Variants in GALK2 observed in about 807,000 individuals in gnomAD.
The protein encoded by GALK2 is galactokinase 2.
In GALK2, 36 loss-of-function variants were observed where a neutral mutation model predicts 52.4. That is an observed-to-expected ratio of 0.69 (90% CI 0.53 to 0.91). The LOEUF is 0.91. Among genes scored for constraint, GALK2 ranks in the 40% least tolerant of loss-of-function variants. The pLI is 0.00. For synonymous variants in GALK2, 176 were observed against 199.1 expected (o/e 0.88, Z 0.98); for missense variants, 579 against 559.1 (o/e 1.04, Z -0.36).
At chr15:49,172,911 C>T (rs2085195161) in intron 1 of GALK2, among the ~76,000 whole-genome samples, 1 of 152,130 alleles carries the variant, frequency 6.6e-6, no homozygotes, top group South Asian at 2.1e-4. Context: ...TTGACATTCA[C>T]GTATCATATA....
At chr15:49,349,975 G>GT (rs1219564030) in intron 3 of GALK2, among the ~76,000 whole-genome samples, 10 of 152,158 alleles carry the variant, frequency 6.6e-5, no homozygotes, top group African/African-American at 2.4e-4. Context: ...AACTTTGTTG[G>GT]TAACTTTGTT....
At chr15:49,178,729 G>C (rs2085725730) in intron 1 of GALK2, 1 of 215,762 alleles carries the variant, frequency 4.6e-6, no homozygotes, top group African/African-American at 2.3e-5. Flanking sequence ...GAATGTACTT[G>C]TATGCAGTTA....
At chr15:49,160,573 A>G (rs2084618398) in intron 1 of GALK2, among the ~76,000 whole-genome samples, 1 of 151,988 alleles carries the variant, frequency 6.6e-6, no homozygotes, top group Non-Finnish European at 1.5e-5. Context: ...CATAATAGTA[A>G]TAGTACCCAG....
chr15:49,350,586 T>C (rs12909779), intron 3 of GALK2, among the ~76,000 whole-genome samples: 63,798 of 151,996 alleles, frequency 0.42, 13,532 homozygotes, highest in African/African-American at 0.45. Context: ...TCCACAAAAC[T>C]GAGCTTAAAA....
At chr15:49,337,508 CTT>C (rs33973907) in intron 3 of GALK2, among the ~76,000 whole-genome samples, 221 of 36,070 alleles carry the variant, frequency 6.1e-3, no homozygotes, top group African/African-American at 0.022. Context: ...CATTTACCCA[CTT>C]TTTTTTTTTT....
chr15:49,268,831 G>A (rs1301999061), intron 5 of GALK2, among the ~76,000 whole-genome samples: 1 of 152,096 alleles, frequency 6.6e-6, no homozygotes, highest in Non-Finnish European at 1.5e-5. Context: ...TCCTGGTCTA[G>A]GTTAGTTTTT....
At chr15:49,298,653 T>G (rs2034695219) in intron 8 of GALK2, among the ~76,000 whole-genome samples, 1 of 152,108 alleles carries the variant, frequency 6.6e-6, no homozygotes, top group Non-Finnish European at 1.5e-5. Context: ...AGTCTTTATT[T>G]CTATTGAGAT....
chr15:49,177,448 T>C, intron 1 of GALK2, among the ~76,000 whole-genome samples: 1 of 152,234 alleles, frequency 6.6e-6, no homozygotes, highest in East Asian at 1.9e-4. Flanking sequence ...TCACTTATAG[T>C]TTTCAAACAT....
intron 5 of GALK2, among the ~76,000 whole-genome samples, chr15:49,272,493 C>T (rs1411232205): frequency 6.6e-6 from 1 of 152,180 alleles, no homozygotes; most frequent in Admixed American, 6.5e-5. Context: ...TGGGATGGAG[C>T]ATGAGATTGT....
At chr15:49,184,337 G>T (rs3098617) in intron 1 of GALK2, among the ~76,000 whole-genome samples, 88,653 of 150,928 alleles carry the variant, frequency 0.59, 26,090 homozygotes, top group Middle Eastern at 0.66. Context: ...TTTTTCATCT[G>T]TTTTCTTTTT....
intron 3 of GALK2, among the ~76,000 whole-genome samples, chr15:49,227,304 C>A (rs1488493813): frequency 6.6e-6 from 1 of 152,048 alleles, no homozygotes; most frequent in Non-Finnish European, 1.5e-5. Flanking sequence ...TATCTGGGTG[C>A]TTTGTTGTTG....
chr15:49,280,478 G>T (rs2032527243), intron 5 of GALK2, among the ~76,000 whole-genome samples: 1 of 152,142 alleles, frequency 6.6e-6, no homozygotes, highest in South Asian at 2.1e-4. Flanking sequence ...CTCATGGCTG[G>T]AGCTTAGGAT....
intron 1 of GALK2, chr15:49,156,491 A>C: frequency 2.0e-6 from 1 of 489,600 alleles, no homozygotes; most frequent in Non-Finnish European, 4.0e-6. Flanking sequence ...GATTGCTCGT[A>C]AAGATGACAA....
intron 5 of GALK2, among the ~76,000 whole-genome samples, chr15:49,254,447 C>A (rs1003195953): frequency 6.9e-6 from 1 of 144,190 alleles, no homozygotes; most frequent in Non-Finnish European, 1.6e-5. Flanking sequence ...AAGCAAAAAT[C>A]TAAGCAATCA....
At chr15:49,264,998 C>T (rs1367956574) in intron 5 of GALK2, among the ~76,000 whole-genome samples, 5 of 152,166 alleles carry the variant, frequency 3.3e-5, no homozygotes, top group Non-Finnish European at 7.4e-5. Flanking sequence ...GGGGTGCCTC[C>T]CAGTTAGGCT....
intron 1 of GALK2, among the ~76,000 whole-genome samples, chr15:49,186,443 T>C (rs747297593): frequency 3.3e-5 from 5 of 152,138 alleles, no homozygotes; most frequent in African/African-American, 4.8e-5. Context: ...TGTTTCACTC[T>C]AGAATTTCTG....
chr15:49,251,994 G>A (rs892299817), intron 5 of GALK2, among the ~76,000 whole-genome samples: 3 of 152,118 alleles, frequency 2.0e-5, no homozygotes, highest in South Asian at 2.1e-4. Flanking sequence ...GGCCCGGTGC[G>A]GTGCCTCATG....
chr15:49,199,895 A>G (rs1292207252), intron 1 of GALK2, among the ~76,000 whole-genome samples: 1 of 152,242 alleles, frequency 6.6e-6, no homozygotes, highest in Non-Finnish European at 1.5e-5. Flanking sequence ...AAACTGGTAT[A>G]AACAGTTTCT....
chr15:49,203,973 G>A (rs2088023352), intron 2 of GALK2, among the ~76,000 whole-genome samples: 1 of 151,964 alleles, frequency 6.6e-6, no homozygotes, highest in Non-Finnish European at 1.5e-5. Context: ...AAATTAGCTG[G>A]GTGTGGTGGC....
Sources: allele counts gnomAD v4.1 joint callset (sites outside exome capture counted in the v4.1 genomes callset), GRCh38; gene constraint gnomAD v4.1.1; transcripts MANE v1.5; gene names NCBI Gene and HGNC (gene_info 2026-07-23, HGNC 2026-07-21).